The following ANKRD36B variants were observed in gnomAD, a reference collection of about 807,000 sequenced individuals.
ANKRD36B encodes ankyrin repeat domain 36B.
Under a neutral mutation model 135.7 loss-of-function variants are expected in ANKRD36B, and 37 were observed. That is an observed-to-expected ratio of 0.27 (90% confidence interval 0.21 to 0.36). The LOEUF is 0.36. Ranked by LOEUF, ANKRD36B falls within the 10% of genes least tolerant of loss-of-function variation. The probability of loss-of-function intolerance (pLI) is 1.00; values close to 1 mark genes in which losing one functional copy is unlikely to be tolerated. For synonymous variants in ANKRD36B, 179 were observed against 348.1 expected, an observed-to-expected ratio of 0.51 and a Z score of 5.41; for missense variants, 549 against 1,037.1, an observed-to-expected ratio of 0.53 and a Z score of 6.46.
intron 1 of ANKRD36B, among the ~76,000 whole-genome samples, chr2:97,585,760 CAAAT>C (rs1330234868): frequency 6.6e-6 from 1 of 152,178 alleles, no homozygotes; most frequent in Non-Finnish European, 1.5e-5. Flanking sequence ...CTTTCTAACA[CAAAT>C]AACAGCTCAA....
chr2:97,558,342 C>T (rs2080717730), intron 10 of ANKRD36B, among the ~76,000 whole-genome samples: 1 of 152,068 alleles, frequency 6.6e-6, no homozygotes, highest in Non-Finnish European at 1.5e-5. Flanking sequence ...TCCTTCCTGC[C>T]TGATAATCCT....
chr2:97,559,027 A>C, intron 8 of ANKRD36B, 33 bp from the exon 9 acceptor site: 2 of 1,602,288 alleles, frequency 1.2e-6, no homozygotes, highest in Non-Finnish European at 8.5e-7. Flanking sequence ...AATCACTCAC[A>C]TGTACATATG....
chr2:97,558,774 C>G, intron 10 of ANKRD36B, 25 bp downstream of exon 10: 1 of 1,610,486 alleles, frequency 6.2e-7, no homozygotes, highest in Non-Finnish European at 8.5e-7. Context: ...CTGAACATGA[C>G]ATTAAATGTG....
At chr2:97,550,032 T>C (rs539582203) in intron 18 of ANKRD36B, among the ~76,000 whole-genome samples, 11 of 151,786 alleles carry the variant, frequency 7.2e-5, no homozygotes, top group African/African-American at 2.4e-4. Flanking sequence ...ACTACAAACA[T>C]TCATCATGCT....
chr2:97,552,101 A>T (rs760042681), intron 16 of ANKRD36B, among the ~76,000 whole-genome samples: 1 of 151,954 alleles, frequency 6.6e-6, no homozygotes, highest in Admixed American at 6.6e-5. Context: ...TCTTGTATCC[A>T]CTAGTTTATC....
chr2:97,554,883 T>A (rs2104703446), intron 14 of ANKRD36B, among the ~76,000 whole-genome samples, 177 bp downstream of exon 14: 2 of 152,048 alleles, frequency 1.3e-5, no homozygotes, highest in Admixed American at 1.3e-4. Context: ...ACTGTGAAGA[T>A]CATGTCCAAG....
chr2:97,578,705 T>A (rs1360579989), intron 5 of ANKRD36B, among the ~76,000 whole-genome samples: 1 of 152,106 alleles, frequency 6.6e-6, no homozygotes, highest in African/African-American at 2.4e-5. Context: ...ATCTTGCACC[T>A]ACTGCTACTT....
chr2:97,563,894 T>C (rs989345193), intron 6 of ANKRD36B, among the ~76,000 whole-genome samples: 10 of 152,146 alleles, frequency 6.6e-5, no homozygotes, highest in South Asian at 2.1e-4. Context: ...GGTATCAACA[T>C]GAAGAGAGCA....
chr2:97,559,568 A>G (rs1211153716), intron 8 of ANKRD36B, among the ~76,000 whole-genome samples: 2 of 151,928 alleles, frequency 1.3e-5, no homozygotes, highest in African/African-American at 4.8e-5. Context: ...TCTCACACCC[A>G]TGTGGTATAA....
chr2:97,527,204 T>C lies in ANKRD36B; in HGVS notation c.2266-3737A>G. ...AAGCCCATCAGACTAACAGTGGATC[T>C]CTCGGCAGAAACTCTACAAACCAGA... On this transcript the variant is annotated intron_variant, in intron 35 of 43. Coordinates refer to ENST00000359901, the MANE Select transcript of ANKRD36B (RefSeq NM_001393939.1). 2.1e-5 allele frequency among the ~76,000 whole-genome samples: 2 copies of C among 96,178 alleles called. 1 individual carries two copies. The highest frequency in any genetic ancestry group is 5.5e-5 in the Non-Finnish European group (2 of 36,218). 63.1% of individuals were successfully genotyped at this position (96,178 alleles called of 152,430 possible). A position where few individuals can be genotyped will look rare whatever the true frequency, so the allele number is the denominator to read the frequency against.
chr2:97,564,157 G>T (rs7568366), intron 6 of ANKRD36B, among the ~76,000 whole-genome samples: 113,629 of 150,810 alleles, frequency 0.75, 44,272 homozygotes, highest in African/African-American at 0.9. Flanking sequence ...GATTTCTTTT[G>T]CTTTTTTTAA....
intron 18 of ANKRD36B, among the ~76,000 whole-genome samples, chr2:97,551,016 A>C (rs1260951660): frequency 6.6e-6 from 1 of 151,922 alleles, no homozygotes; most frequent in Non-Finnish European, 1.5e-5. Flanking sequence ...GAATTAAAGC[A>C]AAATTATGCT....
intron 5 of ANKRD36B, among the ~76,000 whole-genome samples, chr2:97,578,614 T>C (rs1184357546): frequency 2.6e-5 from 4 of 152,146 alleles, no homozygotes; most frequent in East Asian, 3.9e-4. Context: ...CTTTACCCTA[T>C]GCATAGGGGT....
chr2:97,553,738 G>A (rs2080259158), intron 14 of ANKRD36B, among the ~76,000 whole-genome samples: 1 of 151,864 alleles, frequency 6.6e-6, no homozygotes, highest in Non-Finnish European at 1.5e-5. Context: ...GCACCCACAT[G>A]TCTTTTATGC....
Position 97,534,753 on chromosome 2 carries a change from T to C in ANKRD36B, c.2191+1547A>G, listed in dbSNP as rs190033103. On this transcript the variant is annotated intron_variant, in intron 34 of 43. Coordinates refer to ENST00000359901, the MANE Select transcript of ANKRD36B (RefSeq NM_001393939.1). ...TGGCATTGTGAATTAGTACAGTCACTATGGAGAACACTATAGAGTCCTCAA... is the reference window on the plus strand; with the variant it reads ...TGGCATTGTGAATTAGTACAGTCACCATGGAGAACACTATAGAGTCCTCAA... 6.2e-5 allele frequency among the ~76,000 whole-genome samples: 6 copies of C among 96,834 alleles called. 1 individual carries two copies. Among genetic ancestry groups the C allele is most frequent in the Non-Finnish European group, 1.1e-4 (4 of 36,552 alleles). 63.5% of individuals were successfully genotyped at this position (96,834 alleles called of 152,430 possible).
At chr2:97,565,988 A>C (rs10195495) in intron 6 of ANKRD36B, among the ~76,000 whole-genome samples, 83,637 of 150,508 alleles carry the variant, frequency 0.56, 24,810 homozygotes, top group Non-Finnish European at 0.67. Context: ...TTGAGAACAG[A>C]CTGGGCAACA....
intron 6 of ANKRD36B, among the ~76,000 whole-genome samples, chr2:97,570,466 A>G (rs1168358925): frequency 6.6e-6 from 1 of 152,220 alleles, no homozygotes; most frequent in African/African-American, 2.4e-5. Context: ...CTGTTTGCAT[A>G]AACAATGTGG....
At chr2:97,508,828 C>T (rs796519413) in intron 40 of ANKRD36B, among the ~76,000 whole-genome samples, 2 of 109,122 alleles carry the variant, frequency 1.8e-5, no homozygotes, top group Non-Finnish European at 5.2e-5. Flanking sequence ...ATTAAACATG[C>T]CAAAGGAGAA....
chr2:97,551,939 A>C (rs1449265400), intron 16 of ANKRD36B, among the ~76,000 whole-genome samples: 1 of 151,992 alleles, frequency 6.6e-6, no homozygotes, highest in Non-Finnish European at 1.5e-5. Context: ...AAGAAAGCAC[A>C]CAATTATGAT....
Sources: allele counts gnomAD v4.1 joint callset (sites outside exome capture counted in the v4.1 genomes callset), GRCh38; gene constraint gnomAD v4.1.1; transcripts MANE v1.5; gene names NCBI Gene and HGNC (gene_info 2026-07-23, HGNC 2026-07-21).